Variants in PTPRN2 observed in about 807,000 individuals in gnomAD.
PTPRN2 encodes receptor-type tyrosine-protein phosphatase N2.
PTPRN2 carries 74 observed loss-of-function variants against 118.8 expected under a neutral mutation model. The observed-to-expected ratio is 0.62, with a 90% CI of 0.52 to 0.76. The LOEUF (loss-of-function observed/expected upper bound fraction) is 0.76. Ranked by LOEUF, PTPRN2 falls within the 30% of genes least tolerant of loss-of-function variation. The probability of loss-of-function intolerance (pLI) is 0.00; values close to 1 mark genes in which losing one functional copy is unlikely to be tolerated. For missense variants in PTPRN2, 1,481 were observed against 1,394.4 expected, an observed-to-expected ratio of 1.06 and a Z score of -0.99; for synonymous variants, 641 against 608.0, an observed-to-expected ratio of 1.05 and a Z score of -0.80.
intron 19 of PTPRN2, among the ~76,000 whole-genome samples, chr7:157,573,822 G>A (rs909253336): frequency 1.3e-5 from 2 of 152,154 alleles, no homozygotes; most frequent in Non-Finnish European, 2.9e-5. Context: ...TGTGCCTGGT[G>A]GCCTTGGGAA....
chr7:158,440,142 T>C (rs149375575), intron 2 of PTPRN2, among the ~76,000 whole-genome samples: 3 of 152,282 alleles, frequency 2.0e-5, no homozygotes, highest in African/African-American at 7.2e-5. Flanking sequence ...ACAGATGGTG[T>C]GTGGCCACAG....
At chr7:158,390,740 G>A (rs1010964068) in intron 2 of PTPRN2, among the ~76,000 whole-genome samples, 1 of 152,234 alleles carries the variant, frequency 6.6e-6, no homozygotes, top group Admixed American at 6.5e-5. Context: ...AGAGCTGGCC[G>A]ATGTCTCCCA....
Position 157,867,500 on chromosome 7 carries a change from G to C in PTPRN2, c.1788+31173C>G, listed in dbSNP as rs570865140. Among the ~76,000 whole-genome samples, 3 of 131,150 alleles carry C rather than the reference G, an allele frequency of 2.3e-5. No homozygotes were observed. In the South Asian group the frequency reaches 8.1e-4, roughly 35 times the overall value. 86.0% of individuals were successfully genotyped at this position (131,150 alleles called of 152,430 possible). A position where few individuals can be genotyped will look rare whatever the true frequency, so the allele number is the denominator to read the frequency against. Reference sequence around the variant, plus strand: ...CCTGTCCCTGACGCCCTGGATACACGGCCACCTGGATACACGGCCACCACC... The same window carrying C: ...CCTGTCCCTGACGCCCTGGATACACCGCCACCTGGATACACGGCCACCACC... On this transcript the variant is annotated intron_variant, in intron 12 of 22. Coordinates refer to ENST00000389418, the MANE Select transcript of PTPRN2 (RefSeq NM_002847.5).
At chr7:158,307,532 C>G (rs1159841410) in intron 3 of PTPRN2, among the ~76,000 whole-genome samples, 12 of 151,754 alleles carry the variant, frequency 7.9e-5, no homozygotes. Flanking sequence ...AAATAATGAC[C>G]CAAAATTCCC....
At chr7:158,507,332 G>A (rs193011672) in intron 1 of PTPRN2, among the ~76,000 whole-genome samples, 18 of 148,328 alleles carry the variant, frequency 1.2e-4, no homozygotes, top group Admixed American at 3.4e-4. Context: ...ATAGCCCTGC[G>A]CTGGGCAGGA....
At chr7:158,226,231 T>C (rs1436826704) in intron 3 of PTPRN2, among the ~76,000 whole-genome samples, 1 of 152,112 alleles carries the variant, frequency 6.6e-6, no homozygotes, top group East Asian at 1.9e-4. Flanking sequence ...AAACGGTTCA[T>C]TAGAGAGATG....
chr7:158,392,800 C>T (rs1439690291), intron 2 of PTPRN2, among the ~76,000 whole-genome samples: 1 of 152,218 alleles, frequency 6.6e-6, no homozygotes, highest in African/African-American at 2.4e-5. Flanking sequence ...GACCATCCTG[C>T]TCTGGTTATC....
intron 11 of PTPRN2, among the ~76,000 whole-genome samples, chr7:158,075,282 G>A (rs950614547): frequency 9.9e-5 from 15 of 152,178 alleles, no homozygotes; most frequent in African/African-American, 3.4e-4. Flanking sequence ...CATCCAAACC[G>A]AAACTTGTTT....
chr7:158,030,856 A>G (rs554890035), intron 11 of PTPRN2: 1 of 152,430 alleles, frequency 6.6e-6, no homozygotes, highest in South Asian at 2.1e-4. Context: ...AGCCTTGGGC[A>G]CTGCACGCGC....
chr7:158,392,814 C>A (rs1812042129), intron 2 of PTPRN2, among the ~76,000 whole-genome samples: 1 of 152,174 alleles, frequency 6.6e-6, no homozygotes, highest in South Asian at 2.1e-4. Flanking sequence ...GGTTATCTGT[C>A]CACATCCCAA....
At chr7:157,612,485 T>C (rs1018455081) in intron 15 of PTPRN2, among the ~76,000 whole-genome samples, 1 of 152,196 alleles carries the variant, frequency 6.6e-6, no homozygotes, top group Non-Finnish European at 1.5e-5. Flanking sequence ...ACACGCCTTA[T>C]CACCAGGACA....
At chr7:157,754,301 TTACCTG>T (rs1801657170) in intron 12 of PTPRN2, among the ~76,000 whole-genome samples, 1 of 152,238 alleles carries the variant, frequency 6.6e-6, no homozygotes, top group Admixed American at 6.5e-5. Flanking sequence ...CTGAGCCACG[TTACCTG>T]GTGCTTCTCC....
chr7:158,584,762 G>A (rs990239415), intron 1 of PTPRN2, among the ~76,000 whole-genome samples: 6 of 152,188 alleles, frequency 3.9e-5, no homozygotes, highest in African/African-American at 1.4e-4. Context: ...TCAAGGCCAC[G>A]AGAATAAACT....
In PTPRN2 at chr7:158,167,305, G is replaced by T. The variant is rs747739566; in HGVS notation, c.550-14C>A. Reference sequence around the variant, plus strand: ...GCGGTCATCACCCTGAAGGAAAGGAGAGCAAAACAGAGCAAGAGTCACATT... The same window carrying T: ...GCGGTCATCACCCTGAAGGAAAGGATAGCAAAACAGAGCAAGAGTCACATT... On this transcript the variant is annotated splice_polypyrimidine_tract_variant and intron_variant, in intron 5 of 22. Transcript: ENST00000389418. 6.4e-7 allele frequency: 1 copy of T among 1,563,686 alleles called. No individual in the cohort carries two copies. The highest frequency in any genetic ancestry group is 1.2e-5 in the South Asian group (1 of 82,968).
rs544065744 is a variant in PTPRN2 at position 157,951,902 on chromosome 7, G to C, written c.1724-53165C>G. Among the ~76,000 whole-genome samples, 4 of 152,188 alleles carry C rather than the reference G, an allele frequency of 2.6e-5. No homozygotes were observed. The East Asian group carries it at 7.8e-4, about 30-fold the overall frequency. On this transcript the variant is annotated intron_variant, in intron 11 of 22. Transcript: ENST00000389418. ...CTGCCCCCCTCTCTTCATTGGCCCCGCCTGTCTGGCCTGGGCGCCCACTCA... is the reference window on the plus strand; with the variant it reads ...CTGCCCCCCTCTCTTCATTGGCCCCCCCTGTCTGGCCTGGGCGCCCACTCA...
intron 12 of PTPRN2, among the ~76,000 whole-genome samples, chr7:157,771,552 A>G (rs1802804163): frequency 6.6e-6 from 1 of 152,222 alleles, no homozygotes; most frequent in Non-Finnish European, 1.5e-5. Flanking sequence ...AGTGAGACAC[A>G]GCCCCTGCCC....
In PTPRN2 at chr7:158,110,809, C is replaced by A; in HGVS notation, c.1643+20G>T. 6.4e-7 allele frequency: 1 copy of A among 1,564,786 alleles called. No individual in the cohort carries two copies. The highest frequency in any genetic ancestry group is 8.7e-7 in the Non-Finnish European group (1 of 1,153,196). ...CCAAGCAACAGGAGCCAAACAGAAA[C>A]CCCAGGGCCCCGTACTTACTCCACG... is the stretch of plus-strand genomic sequence containing the variant. On this transcript the variant is annotated intron_variant, in intron 10 of 22. Coordinates refer to ENST00000389418, the MANE Select transcript of PTPRN2 (RefSeq NM_002847.5).
At chr7:158,219,254 A>G (rs1828170946) in intron 3 of PTPRN2, among the ~76,000 whole-genome samples, 1 of 152,142 alleles carries the variant, frequency 6.6e-6, no homozygotes, top group South Asian at 2.1e-4. Flanking sequence ...CAAATAAAAA[A>G]CAAGAAGATC....
rs1366883139 is a variant in PTPRN2 at position 157,874,833 on chromosome 7, ACACTCATGCACATATACACACG to A, written c.1788+23818_1788+23839del. ...CACACTCATGGACACACACAGAGAC[ACACTCATGCACATATACACACG>A]GAGACACACTCGTGCACATACACAC... On this transcript the variant is annotated intron_variant, in intron 12 of 22. Coordinates refer to ENST00000389418, the MANE Select transcript of PTPRN2 (RefSeq NM_002847.5). This position sits in a 1 kb window ranked among gnomAD's most constrained non-coding sequence, Gnocchi z 5.8. 6.6e-5 allele frequency among the ~76,000 whole-genome samples: 10 copies of A among 151,844 alleles called. No individual in the cohort carries two copies. In the East Asian group the frequency reaches 9.7e-4, roughly 15 times the overall value.
Sources: gnomAD v4.1 joint callset for allele counts (sites outside exome capture counted in the v4.1 genomes callset) on GRCh38, gnomAD v4.1.1 for gene constraint, Gnocchi (gnomAD v3.1) non-coding constraint, MANE v1.5 for transcripts, NCBI Gene and HGNC (gene_info 2026-07-23, HGNC 2026-07-21) for gene names.